TFE3: variants seen among roughly 807,000 people sequenced by gnomAD.
TFE3 encodes transcription factor binding to IGHM enhancer 3, also known as transcription factor E3.
Under a neutral mutation model 35.0 loss-of-function variants are expected in TFE3, and 5 were observed. The ratio of observed to expected loss-of-function variants is 0.14; its 90% CI spans 0.07 to 0.30. The LOEUF is 0.30. TFE3 is among the 10% of genes least tolerant of loss of function. The probability of loss-of-function intolerance (pLI) is 1.00; values close to 1 mark genes in which losing one functional copy is unlikely to be tolerated. For synonymous variants in TFE3, 211 were observed against 215.6 expected, an observed-to-expected ratio of 0.98 and a Z score of 0.18; for missense variants, 374 against 496.6, an observed-to-expected ratio of 0.75 and a Z score of 2.35.
chrX:49,037,284 G>A (rs1343353021), intron 5 of TFE3, among the ~76,000 whole-genome samples: 1 of 111,975 alleles, frequency 8.9e-6, no homozygotes, highest in Non-Finnish European at 1.9e-5. Context: ...GTGACAGAGT[G>A]AGACTCTGTC....
intron 1 of TFE3, 86 bp from the exon 2 acceptor site, chrX:49,040,654 A>AG (rs1316947811): frequency 1.2e-5 from 8 of 644,302 alleles, no homozygotes; most frequent in Admixed American, 1.1e-4. Flanking sequence ...AGAGAGAGAG[A>AG]GGGGGGGAGA....
intron 2 of TFE3, among the ~76,000 whole-genome samples, chrX:49,040,163 C>T (rs946419181): frequency 9.0e-6 from 1 of 110,633 alleles, no homozygotes; most frequent in Non-Finnish European, 1.9e-5. Flanking sequence ...CACGCCCTAT[C>T]TCTGAGCACT....
chrX:49,040,705 G>C (rs2064756250), intron 1 of TFE3, 137 bp from the exon 2 acceptor site: 1 of 459,924 alleles, frequency 2.2e-6, no homozygotes, highest in East Asian at 3.7e-5. Flanking sequence ...TGGCCACCTT[G>C]CTGGGTACCA....
chrX:49,030,532 T>C lies in TFE3; in HGVS notation c.1354A>G (p.Thr452Ala). The C allele has an allele frequency of 1.7e-6, 2 of 1,211,678 alleles. No individual in the cohort carries two copies. The highest frequency in any genetic ancestry group is 2.2e-6 in the Non-Finnish European group (2 of 895,455). Residue 452 changes from threonine to alanine, a missense_variant, in exon 10 of 10, where the codon ACG becomes GCG. By Grantham distance (58) the Thr-to-Ala change is moderately conservative. This residue lies in a region of TFE3 where 117 missense variants were observed against 111.9 expected (regional missense o/e 1.05). Coordinates refer to ENST00000315869, the MANE Select transcript of TFE3 (RefSeq NM_006521.6). ...TTGAGGCTGTCAGAAGCCGAAGTCGTGGCCAAGGAAAGCAGCCCTGGAGTG... is the reference window on the plus strand; with the variant it reads ...TTGAGGCTGTCAGAAGCCGAAGTCGCGGCCAAGGAAAGCAGCCCTGGAGTG... ...PPTPGLLSLATTSASDSLKPE... is the reference protein window; with the variant it reads ...PPTPGLLSLAATSASDSLKPE...
Position 49,043,107 on chromosome X carries a change from G to C in TFE3, c.116+4C>G. ...GGCACTCCCAGCCCCAGGCGGCCCC[G>C]CACCTGAGCAGCTGAGCCGAGTCGG... On this transcript the variant is annotated splice_donor_region_variant and intron_variant, in intron 1 of 9. Transcript: ENST00000315869. The C allele has an allele frequency of 8.6e-7, 1 of 1,166,220 alleles. No homozygotes were observed.
Position 49,038,106 on chromosome X carries a change from A to C in TFE3, c.789T>G (p.Asp263Glu). The part of the protein sequence containing the change: ...IGSSSEKEID[D>E]VIDEIISLES... ...CCAGGCTGATGATCTCATCAATGAC[A>C]TCATCAATCTAGGGGAAGAAGTAAA... Residue 263 changes from aspartate to glutamate, a missense_variant, in exon 5 of 10, where the codon GAT becomes GAG. Physicochemically the swap from Asp to Glu is conservative, Grantham distance 45 (BLOSUM62 2). Coordinates refer to ENST00000315869, the MANE Select transcript of TFE3 (RefSeq NM_006521.6). 8.3e-7 allele frequency: 1 copy of C among 1,210,039 alleles called. No individual in the cohort carries two copies. Among genetic ancestry groups the C allele is most frequent in the Non-Finnish European group, 1.1e-6 (1 of 894,311 alleles).
At chrX:49,033,952 G>A (rs1344963947) in intron 6 of TFE3, among the ~76,000 whole-genome samples, 170 bp from the exon 7 acceptor site, 1 of 112,144 alleles carries the variant, frequency 8.9e-6, no homozygotes, top group Admixed American at 9.5e-5. Context: ...AATCCAAGAC[G>A]AGAGGAACTG....
Position 49,038,286 on chromosome X carries a change from G to A in TFE3, c.691C>T (p.Pro231Ser), listed in dbSNP as rs202170639. Residue 231 changes from proline to serine, a missense_variant, in exon 4 of 10, where the codon CCT (proline) becomes TCT (serine). Physicochemically the swap from Pro to Ser is moderately conservative, Grantham distance 74. Coordinates refer to ENST00000315869, the MANE Select transcript of TFE3 (RefSeq NM_006521.6). Reference sequence around the variant, plus strand: ...GGGCCGGTAGTGTGGGCAGCCTCAGGGGCAGGCAGTGGCTGGGCACTTGCG... The same window carrying A: ...GGGCCGGTAGTGTGGGCAGCCTCAGAGGCAGGCAGTGGCTGGGCACTTGCG... ...GPASAQPLPA[P>S]EAAHTTGPTG... 4 of 1,205,304 alleles carry A rather than the reference G, an allele frequency of 3.3e-6. No homozygotes were observed. Among genetic ancestry groups the A allele is most frequent in the East Asian group, 3.0e-5 (1 of 33,657 alleles).
rs782659769 is a variant in TFE3 at position 49,043,151 on chromosome X, A to G, written c.76T>C (p.Leu26=). The change falls in exon 1 of 10, where the codon TTG becomes CTG. Residue 26 remains leucine (L), a synonymous_variant. Coordinates refer to ENST00000315869, the MANE Select transcript of TFE3 (RefSeq NM_006521.6). ...GAGTCGGCCGGCCTGCGCTCCTCCA[A>G]CAGCACGAACACGGCTCGAGGGCCC... The part of the protein sequence containing the change: ...AEGPRAVFVL[L]EERRPADSAQ... The G allele has an allele frequency of 4.2e-6, 5 of 1,191,731 alleles. No homozygotes were observed. Among genetic ancestry groups the G allele is most frequent in the South Asian group, 3.6e-5 (2 of 55,099 alleles).
Position 49,029,955 on chromosome X carries a change from C to T in TFE3, c.*203G>A, listed in dbSNP as rs2064688511. 2 of 514,994 alleles carry T rather than the reference C, an allele frequency of 3.9e-6. No homozygotes were observed. Among genetic ancestry groups the T allele is most frequent in the South Asian group, 2.7e-5 (1 of 37,452 alleles). The allele number at this position is 514,994 out of a possible 1,213,427, so 42.4% of individuals were successfully genotyped here. ...CTCCTTCTGAAATACCTGCACTGGG[C>T]GGTTCCTTTGGGGAAGGTGCAGGGC... is the stretch of plus-strand genomic sequence containing the variant. On this transcript the variant is annotated 3_prime_UTR_variant, in exon 10 of 10. Coordinates refer to ENST00000315869, the MANE Select transcript of TFE3 (RefSeq NM_006521.6).
At chrX:49,032,342 C>G (rs1185083303) in intron 8 of TFE3, among the ~76,000 whole-genome samples, 3 of 111,266 alleles carry the variant, frequency 2.7e-5, no homozygotes, top group Non-Finnish European at 5.7e-5. Flanking sequence ...TCAAGCGATT[C>G]TCCTGCCTCA....
At chrX:49,033,382 G>A (rs982554029) in intron 8 of TFE3, 83 bp downstream of exon 8, 1 of 935,126 alleles carries the variant, frequency 1.1e-6, no homozygotes, top group African/African-American at 1.9e-5. Context: ...AGACTGCCTG[G>A]TGAGCCCACC....
intron 1 of TFE3, 103 bp from the exon 2 acceptor site, chrX:49,040,671 A>T: frequency 1.8e-6 from 1 of 568,048 alleles, no homozygotes; most frequent in Non-Finnish European, 2.9e-6. Context: ...GAGAACGAAG[A>T]GGAGGGTACA....
chrX:49,035,939 G>T (rs1419771983), intron 5 of TFE3, among the ~76,000 whole-genome samples: 1 of 110,289 alleles, frequency 9.1e-6, no homozygotes, highest in African/African-American at 3.3e-5. Context: ...GGAGGCCGAG[G>T]TGGGCAGATG....
intron 1 of TFE3, 25 bp from the exon 2 acceptor site, chrX:49,040,593 C>T (rs782109897): frequency 5.6e-6 from 6 of 1,063,953 alleles, no homozygotes; most frequent in African/African-American, 1.9e-5. Flanking sequence ...GAGTGGTGGT[C>T]AGTGATTGAA....
In TFE3 at chrX:49,030,606, A is replaced by G; in HGVS notation, c.1285-5T>C. On this transcript the variant is annotated splice_polypyrimidine_tract_variant and splice_region_variant and intron_variant, in intron 9 of 9. Coordinates refer to ENST00000315869, the MANE Select transcript of TFE3 (RefSeq NM_006521.6). ...CTGGGCCTGCAGTTCTAGTTCCTGTAAAAAATAGGGGTTGGGTGCAGGATA... is the reference window on the plus strand; with the variant it reads ...CTGGGCCTGCAGTTCTAGTTCCTGTGAAAAATAGGGGTTGGGTGCAGGATA... The G allele has an allele frequency of 3.3e-6, 4 of 1,197,368 alleles. No homozygotes were observed. The highest frequency in any genetic ancestry group is 4.5e-6 in the Non-Finnish European group (4 of 885,138).
Position 49,030,302 on chromosome X carries a change from C to T in TFE3, c.1584G>A (p.Glu528=). 1.7e-6 allele frequency: 2 copies of T among 1,209,818 alleles called. No individual in the cohort carries two copies. The part of the protein sequence containing the change: ...HLGLEDILME[E]EEGVVGGLSG... ...ACAGTCCTCCCACCACCCCCTCCTC[C>T]TCCTCCATCAGAATGTCCTCCAGCC... is the stretch of plus-strand genomic sequence containing the variant. The change falls in exon 10 of 10, where the codon GAG becomes GAA. Residue 528 remains glutamate, a synonymous_variant. Coordinates refer to ENST00000315869, the MANE Select transcript of TFE3 (RefSeq NM_006521.6).
chrX:49,039,063 A>G (rs2064746007), intron 3 of TFE3, 44 bp downstream of exon 3: 2 of 1,104,962 alleles, frequency 1.8e-6, no homozygotes, highest in Non-Finnish European at 2.4e-6. Context: ...ATCACTCCTC[A>G]GTCACCAGGA....
At chrX:49,037,268 G>C (rs2064735760) in intron 5 of TFE3, among the ~76,000 whole-genome samples, 2 of 112,061 alleles carry the variant, frequency 1.8e-5, no homozygotes, top group African/African-American at 6.5e-5. Context: ...CTGCACTCCA[G>C]CCAGGGTGAC....
Sources: allele counts gnomAD v4.1 joint callset (sites outside exome capture counted in the v4.1 genomes callset), GRCh38; gene constraint gnomAD v4.1.1; regional missense constraint gnomAD v4.1.1; transcripts MANE v1.5; gene names NCBI Gene and HGNC (gene_info 2026-07-23, HGNC 2026-07-21).